The following BICDL1 variants were observed in gnomAD, a reference collection of about 807,000 sequenced individuals.
BICDL1 encodes BICD family-like cargo adapter 1.
BICDL1 carries 20 observed loss-of-function variants against 76.8 expected under a neutral mutation model. The ratio of observed to expected loss-of-function variants is 0.26; its 90% confidence interval spans 0.18 to 0.38. The LOEUF (loss-of-function observed/expected upper bound fraction) is 0.38. BICDL1 is among the 10% of genes least tolerant of loss of function. BICDL1 has a pLI of 1.00. For synonymous variants in BICDL1, 383 were observed against 337.1 expected (o/e 1.14, Z -1.49); for missense variants, 700 against 798.6 (o/e 0.88, Z 1.49).
intron 2 of BICDL1, among the ~76,000 whole-genome samples, chr12:120,014,692 A>AG (rs1467122907): frequency 1.3e-5 from 2 of 151,126 alleles, no homozygotes; most frequent in African/African-American, 4.8e-5. Context: ...TCCATCTCAA[A>AG]AAAAAAAAAA....
Position 120,079,758 on chromosome 12 carries a change from G to A in BICDL1, c.1453-1129G>A, listed in dbSNP as rs1873826452. 6.6e-6 allele frequency among the ~76,000 whole-genome samples: 1 copy of A among 152,188 alleles called. No individual in the cohort carries two copies. The highest frequency in any genetic ancestry group is 2.1e-4 in the South Asian group (1 of 4,836). ...AATCAACAGGAAAGTGGGAGAACCC[G>A]GTTCCAAAACAAGAAAGGGCCATGG... On this transcript the variant is annotated intron_variant, in intron 7 of 9. Coordinates refer to ENST00000548673, the MANE Select transcript of BICDL1 (RefSeq NM_001367886.1). The surrounding 1 kb of genome is among the most constrained non-coding windows in gnomAD (Gnocchi z 4.3).
chr12:120,091,885 G>A, intron 9 of BICDL1: 2 of 985,350 alleles, frequency 2.0e-6, no homozygotes, highest in Non-Finnish European at 1.2e-6. Flanking sequence ...CGGAACCAAA[G>A]AGGTCATCTG....
At chr12:120,006,971 T>G (rs1323528507) in intron 2 of BICDL1, among the ~76,000 whole-genome samples, 1 of 152,160 alleles carries the variant, frequency 6.6e-6, no homozygotes, top group Non-Finnish European at 1.5e-5. Flanking sequence ...GTAGAGTTGA[T>G]GGTAGCTTTG....
chr12:119,990,380 AC>A lies in BICDL1; in HGVS notation c.429+88del, dbSNP rs1384302441. On this transcript the variant is annotated intron_variant, in intron 1 of 9. Transcript: ENST00000548673. ...GCCCTGGGCAGTTAGGGAACCACTC[AC>A]CCCCACTTCGTTGCTCACCCTACCT... 1.1e-5 allele frequency: 16 copies of A among 1,509,490 alleles called. 1 individual carries two copies. The highest frequency in any genetic ancestry group is 1.2e-5 in the Non-Finnish European group (14 of 1,134,066). 93.5% of individuals were successfully genotyped at this position (1,509,490 alleles called of 1,614,324 possible). A position where few individuals can be genotyped will look rare whatever the true frequency, so the allele number is the denominator to read the frequency against.
intron 2 of BICDL1, among the ~76,000 whole-genome samples, chr12:120,047,216 G>A (rs1362203710): frequency 6.6e-6 from 1 of 152,088 alleles, no homozygotes; most frequent in Non-Finnish European, 1.5e-5. Flanking sequence ...GGAAAGCATT[G>A]ACTTTATCAG....
chr12:120,052,067 A>G (rs1952870921), intron 2 of BICDL1, among the ~76,000 whole-genome samples: 1 of 151,944 alleles, frequency 6.6e-6, no homozygotes, highest in African/African-American at 2.4e-5. Context: ...CAGCCTCCCA[A>G]GTAGCTGGGA....
chr12:120,006,914 G>A (rs992058141), intron 2 of BICDL1, among the ~76,000 whole-genome samples: 2 of 152,058 alleles, frequency 1.3e-5, no homozygotes, highest in Admixed American at 6.5e-5. Context: ...ATGGATTATC[G>A]GGCTGAGGGT....
intron 2 of BICDL1, among the ~76,000 whole-genome samples, chr12:120,039,990 C>T (rs994743447): frequency 2.0e-5 from 3 of 152,208 alleles, no homozygotes; most frequent in African/African-American, 7.2e-5. Context: ...GCACTTTCAT[C>T]AACAAATACC....
chr12:120,079,197 A>G lies in BICDL1; in HGVS notation c.1453-1690A>G, dbSNP rs940592859. Among the ~76,000 whole-genome samples, 1 of 152,214 alleles carries G rather than the reference A, an allele frequency of 6.6e-6. No individual in the cohort carries two copies. The highest frequency in any genetic ancestry group is 1.5e-5 in the Non-Finnish European group (1 of 68,042). On this transcript the variant is annotated intron_variant, in intron 7 of 9. Transcript: ENST00000548673. The surrounding 1 kb of genome is among the most constrained non-coding windows in gnomAD (Gnocchi z 4.3). The stretch of plus-strand genomic sequence containing the variant: ...CTGCAGAGTATAAAACCCATTGCTT[A>G]TGGTGGCAACAGATTGTCCTTCTGT...
intron 2 of BICDL1, among the ~76,000 whole-genome samples, chr12:120,048,499 T>G (rs150937406): frequency 1.1e-3 from 173 of 152,262 alleles, no homozygotes; most frequent in African/African-American, 4.1e-3. Flanking sequence ...TCCTCAAACC[T>G]TATAGTGTCA....
intron 1 of BICDL1, among the ~76,000 whole-genome samples, chr12:119,996,400 C>T (rs1340981593): frequency 1.3e-5 from 2 of 152,210 alleles, no homozygotes; most frequent in African/African-American, 4.8e-5. Context: ...AGGCTAATCT[C>T]ATTTTTTAGA....
intron 8 of BICDL1, among the ~76,000 whole-genome samples, chr12:120,085,839 A>G (rs574972604): frequency 2.7e-5 from 4 of 150,756 alleles, no homozygotes; most frequent in Admixed American, 2.6e-4. Context: ...TGAAGATAGA[A>G]GTACACATGG....
chr12:120,020,247 G>A (rs765154708), intron 2 of BICDL1, among the ~76,000 whole-genome samples: 12 of 152,190 alleles, frequency 7.9e-5, no homozygotes, highest in Middle Eastern at 3.2e-3. Flanking sequence ...TAATTATACC[G>A]CAGTTTAAAA....
intron 1 of BICDL1, among the ~76,000 whole-genome samples, chr12:119,994,774 C>T (rs985940581): frequency 6.6e-6 from 1 of 152,216 alleles, no homozygotes; most frequent in African/African-American, 2.4e-5. Flanking sequence ...AGGCATGAGC[C>T]ACTGCGCCCA....
intron 4 of BICDL1, among the ~76,000 whole-genome samples, chr12:120,066,587 T>G (rs1372244346): frequency 1.3e-5 from 2 of 152,164 alleles, no homozygotes; most frequent in African/African-American, 2.4e-5. Context: ...CCACTGTCTT[T>G]CTGTTGAACT....
chr12:120,057,161 T>A, intron 2 of BICDL1: 6 of 513,804 alleles, frequency 1.2e-5, no homozygotes, highest in Non-Finnish European at 1.9e-5. Context: ...TACAGAGAAA[T>A]TACATGGACA....
intron 5 of BICDL1, 119 bp from the exon 6 acceptor site, chr12:120,072,392 C>A: frequency 1.1e-6 from 1 of 872,226 alleles, no homozygotes; most frequent in African/African-American, 1.7e-5. Flanking sequence ...GAACAAAAAA[C>A]CCTTTCTTCT....
At chr12:120,072,939 C>T (rs1461125285) in intron 6 of BICDL1, among the ~76,000 whole-genome samples, 9 of 152,274 alleles carry the variant, frequency 5.9e-5, no homozygotes, top group African/African-American at 2.2e-4. Flanking sequence ...GGCACAATCT[C>T]GGCTCACTGC....
chr12:120,091,310 A>G (rs1461581328), intron 9 of BICDL1: 3 of 1,062,076 alleles, frequency 2.8e-6, no homozygotes, highest in South Asian at 2.9e-5. Context: ...TGTCTGGGAA[A>G]CTCTAAAGGG....
Sources: allele counts gnomAD v4.1 joint callset (sites outside exome capture counted in the v4.1 genomes callset), GRCh38; gene constraint gnomAD v4.1.1; non-coding constraint Gnocchi (gnomAD v3.1); transcripts MANE v1.5; gene names NCBI Gene and HGNC (gene_info 2026-07-23, HGNC 2026-07-21).